The following IFT172 variants were observed in gnomAD, a reference collection of about 807,000 sequenced individuals.
IFT172 encodes the protein intraflagellar transport protein 172 homolog.
Under a neutral mutation model 248.9 loss-of-function variants are expected in IFT172, and 164 were observed. That is an observed-to-expected ratio of 0.66 (90% confidence interval 0.58 to 0.75). IFT172 has a LOEUF of 0.75. IFT172 is among the 30% of genes least tolerant of loss of function. The pLI, the probability that IFT172 is intolerant of heterozygous loss-of-function variation, is 0.00. For synonymous variants in IFT172, 729 were observed against 791.6 expected (o/e 0.92, Z 1.33); for missense variants, 1,950 against 2,192.4 (o/e 0.89, Z 2.21).
intron 18 of IFT172, among the ~76,000 whole-genome samples, chr2:27,463,702 A>T (rs1328422751): frequency 6.6e-6 from 1 of 152,164 alleles, no homozygotes; most frequent in Non-Finnish European, 1.5e-5. Flanking sequence ...GGTCTCTCTG[A>T]TGAACTGACA....
intron 19 of IFT172, 138 bp downstream of exon 19, chr2:27,462,959 G>T: frequency 8.7e-7 from 1 of 1,154,574 alleles, no homozygotes; most frequent in Non-Finnish European, 1.3e-6. Context: ...TTCTGAAATG[G>T]TCTGACTTGA....
In IFT172 at chr2:27,485,109, C is replaced by T. The variant is rs756299134; in HGVS notation, c.205G>A (p.Val69Met). Reference protein sequence around the residue: ...DMKYGRKSYMVKGMAFSPDST... With the variant: ...DMKYGRKSYMMKGMAFSPDST... ...TCAGGAGAAAAAGCCATGCCCTTCA[C>T]CATATAGCTCTTCCTGCCATACTAA... Residue 69 changes from valine to methionine, a missense_variant, in exon 3 of 48, where the codon GTG becomes ATG. Around this residue, in one of 3 missense-constraint regions of IFT172, gnomAD observed 1,166 missense variants for 1,254.1 expected, o/e 0.93. Coordinates refer to ENST00000260570, the MANE Select transcript of IFT172 (RefSeq NM_015662.3). The T allele has an allele frequency of 5.6e-6, 9 of 1,603,640 alleles. No individual in the cohort carries two copies. The highest frequency in any genetic ancestry group is 3.3e-5 in the Admixed American group (2 of 59,750).
rs1668208990 is a variant in IFT172 at position 27,479,569 on chromosome 2, GCAGT to G, written c.941_944del (p.Asp314AlafsTer14). Reference sequence around the variant, plus strand: ...TCTTGTAAATACTCCTTCGGAGGCAGCAGTCAAACTGTTCCACCCCACCACATAG... The same window carrying G: ...TCTTGTAAATACTCCTTCGGAGGCAGCAAACTGTTCCACCCCACCACATAG... On this transcript the variant is annotated frameshift_variant, in exon 10 of 48. Transcript: ENST00000260570. LOFTEE classifies it high-confidence loss of function. 2.5e-6 allele frequency: 4 copies of G among 1,613,080 alleles called. No homozygotes were observed. The highest frequency in any genetic ancestry group is 3.4e-6 in the Non-Finnish European group (4 of 1,179,102).
At chr2:27,468,095 G>C (rs1053534708) in intron 16 of IFT172, among the ~76,000 whole-genome samples, 1 of 150,962 alleles carries the variant, frequency 6.6e-6, no homozygotes, top group Non-Finnish European at 1.5e-5. Context: ...GGGAGGAAGA[G>C]GTTGCAGTAA....
chr2:27,480,300 T>A (rs1356569189), intron 8 of IFT172, 151 bp from the exon 9 acceptor site: 1 of 1,207,388 alleles, frequency 8.3e-7, no homozygotes, highest in Non-Finnish European at 1.1e-6. Flanking sequence ...GAAGAGGATA[T>A]AAAGGTGCAC....
In IFT172 at chr2:27,483,917, T is replaced by C. The variant is rs749934202; in HGVS notation, c.357A>G (p.Gln119=). The change falls in exon 5 of 48, where the codon CAA becomes CAG. Residue 119 remains glutamine (Q), a synonymous_variant. Coordinates refer to ENST00000260570, the MANE Select transcript of IFT172 (RefSeq NM_015662.3). The part of the protein sequence containing the change: ...FIQTSAVTCL[Q]WPAEYIIVFG... ...AGACAATGATGTATTCTGCCGGCCA[T>C]TGCAGACAAGTGACAGCACTCTGCG... 4.3e-5 allele frequency: 70 copies of C among 1,613,968 alleles called. No homozygotes were observed. Among genetic ancestry groups the C allele is most frequent in the Middle Eastern group, 1.6e-4 (1 of 6,062 alleles).
chr2:27,471,189 T>TA (rs1667543309), intron 15 of IFT172, 94 bp from the exon 16 acceptor site: 5 of 1,236,218 alleles, frequency 4.0e-6, no homozygotes, highest in Non-Finnish European at 3.5e-6. Flanking sequence ...TGTGGTGAGC[T>TA]AACCCACCAC....
At chr2:27,448,121 CAG>C (rs979453756) in intron 40 of IFT172, among the ~76,000 whole-genome samples, 199 bp from the exon 41 acceptor site, 235 of 151,932 alleles carry the variant, frequency 1.5e-3, no homozygotes, top group African/African-American at 5.2e-3. Context: ...ATTTTTGAGA[CAG>C]AGTCTTGCTC....
chr2:27,489,690 A>G lies in IFT172; in HGVS notation c.-37T>C. 1 of 1,573,400 alleles carries G rather than the reference A, an allele frequency of 6.4e-7. No homozygotes were observed. The highest frequency in any genetic ancestry group is 8.7e-7 in the Non-Finnish European group (1 of 1,148,734). On this transcript the variant is annotated 5_prime_UTR_variant, in exon 1 of 48. Coordinates refer to ENST00000260570, the MANE Select transcript of IFT172 (RefSeq NM_015662.3). ...GTCTTTCAGATGCTCCTAGACAGCG[A>G]CAACTCCCGTGGTTACCTGGACAAC...
rs1252524050 is a variant in IFT172 at position 27,457,767 on chromosome 2, T to C, written c.3112-12A>G. The C allele has an allele frequency of 6.2e-7, 1 of 1,613,728 alleles. No homozygotes were observed. Among genetic ancestry groups the C allele is most frequent in the Non-Finnish European group, 8.5e-7 (1 of 1,179,890 alleles). On this transcript the variant is annotated splice_polypyrimidine_tract_variant and intron_variant, in intron 28 of 47. Coordinates refer to ENST00000260570, the MANE Select transcript of IFT172 (RefSeq NM_015662.3). ...TCAGCCTCCAGCTCCTGCAGGAAGG[T>C]GAGTCAGGATGGAGAGATGGGGAGA...
Position 27,445,510 on chromosome 2 carries a change from G to A in IFT172, c.4915-61C>T, listed in dbSNP as rs903533722. On this transcript the variant is annotated intron_variant, in intron 45 of 47. Transcript: ENST00000260570. The surrounding 1 kb of genome is among the most constrained non-coding windows in gnomAD (Gnocchi z 4.4). ...AGGGCAGGGCAGGACAAGTTGGGGT[G>A]GATGGGTGAGGAGGGGGTTTGCTAA... is the stretch of plus-strand genomic sequence containing the variant. 8 of 1,538,860 alleles carry A rather than the reference G, an allele frequency of 5.2e-6. No individual in the cohort carries two copies. In the Admixed American group the frequency reaches 9.7e-5, roughly 19 times the overall value.
Position 27,445,634 on chromosome 2 carries a change from A to G in IFT172, c.4914+111T>C. The G allele has an allele frequency of 7.1e-7, 1 of 1,399,536 alleles. No individual in the cohort carries two copies. Among genetic ancestry groups the G allele is most frequent in the East Asian group, 2.3e-5 (1 of 43,540 alleles). The allele number at this position is 1,399,536 out of a possible 1,614,324, so 86.7% of individuals were successfully genotyped here. A position where few individuals can be genotyped will look rare whatever the true frequency, so the allele number is the denominator to read the frequency against. On this transcript the variant is annotated intron_variant, in intron 45 of 47. Coordinates refer to ENST00000260570, the MANE Select transcript of IFT172 (RefSeq NM_015662.3). This position sits in a 1 kb window ranked among gnomAD's most constrained non-coding sequence, Gnocchi z 4.4. The stretch of plus-strand genomic sequence containing the variant: ...TCTATTTTGCTTCTACTTTCACTGA[A>G]AAAACAGTGAGGGCTGAGGTCCTTC...
intron 15 of IFT172, chr2:27,472,038 C>CA (rs34330432): frequency 0.049 from 24,371 of 496,538 alleles, no homozygotes; most frequent in East Asian, 0.099. Flanking sequence ...ACACTGTCTC[C>CA]AAAAAAAAAA....
At chr2:27,477,833 C>G (rs1449535921) in intron 11 of IFT172, among the ~76,000 whole-genome samples, 162 bp downstream of exon 11, 3 of 152,186 alleles carry the variant, frequency 2.0e-5, no homozygotes, top group Non-Finnish European at 4.4e-5. Context: ...GATTCATACT[C>G]TGGGATTATA....
intron 14 of IFT172, among the ~76,000 whole-genome samples, chr2:27,473,819 T>C (rs934050576): frequency 7.2e-5 from 11 of 151,898 alleles, no homozygotes; most frequent in African/African-American, 1.7e-4. Context: ...TTATTTTTTT[T>C]CCCCCGAGAC....
Position 27,445,219 on chromosome 2 carries a change from A to G in IFT172, c.5068+77T>C. The G allele has an allele frequency of 2.5e-6, 4 of 1,579,164 alleles. No homozygotes were observed. The highest frequency in any genetic ancestry group is 3.4e-6 in the Non-Finnish European group (4 of 1,160,166). ...TCCTGTCTTTTGTACCCTTTACTGA[A>G]TCCTAGTAAAATTAAGTTTATTGAT... On this transcript the variant is annotated intron_variant, in intron 46 of 47. Transcript: ENST00000260570. The surrounding 1 kb of genome is among the most constrained non-coding windows in gnomAD (Gnocchi z 4.4).
chr2:27,457,546 G>C, intron 29 of IFT172, 93 bp downstream of exon 29: 1 of 1,125,112 alleles, frequency 8.9e-7, no homozygotes, highest in Non-Finnish European at 1.3e-6. Flanking sequence ...CTGCACTCCA[G>C]CCTGGGTGAC....
chr2:27,455,741 A>G, intron 30 of IFT172: 1 of 414,896 alleles, frequency 2.4e-6, no homozygotes, highest in Non-Finnish European at 4.5e-6. Context: ...AAATGGCAGA[A>G]TAATCTGCTC....
At chr2:27,460,970 G>A (rs200711387) in intron 23 of IFT172, 45 bp downstream of exon 23, 2 of 1,612,290 alleles carry the variant, frequency 1.2e-6, no homozygotes, top group East Asian at 4.5e-5. Flanking sequence ...AACCAGATGG[G>A]CAAGAGTCCA....
Sources: gnomAD v4.1 joint callset for allele counts (sites outside exome capture counted in the v4.1 genomes callset) on GRCh38, gnomAD v4.1.1 for gene constraint, gnomAD v4.1.1 regional missense constraint, Gnocchi (gnomAD v3.1) non-coding constraint, MANE v1.5 for transcripts, NCBI Gene and HGNC (gene_info 2026-07-23, HGNC 2026-07-21) for gene names.